SEPTIN11: variants seen among roughly 807,000 people sequenced by gnomAD.
SEPTIN11 encodes the protein septin 11.
A neutral mutation model predicts 51.4 loss-of-function variants in SEPTIN11; 25 were observed. The observed-to-expected ratio is 0.49, with a 90% CI of 0.35 to 0.68. SEPTIN11 has a LOEUF of 0.68. Ranked by LOEUF, SEPTIN11 falls within the 30% of genes least tolerant of loss-of-function variation. The pLI is 0.00. For synonymous variants in SEPTIN11, 174 were observed against 184.1 expected (o/e 0.95, Z 0.44); for missense variants, 381 against 520.8 (o/e 0.73, Z 2.61).
intron 2 of SEPTIN11, among the ~76,000 whole-genome samples, chr4:77,004,322 T>C (rs888188071): frequency 6.6e-6 from 1 of 152,228 alleles, no homozygotes; most frequent in Non-Finnish European, 1.5e-5. Flanking sequence ...TTTACTTTCA[T>C]TGTCACAAAC....
intron 1 of SEPTIN11, among the ~76,000 whole-genome samples, chr4:76,950,800 T>A (rs1472292463): frequency 6.6e-6 from 1 of 151,726 alleles, no homozygotes; most frequent in Non-Finnish European, 1.5e-5. Flanking sequence ...CAGTGGCCGC[T>A]CCGCATCCCC....
chr4:76,958,176 C>G (rs570224626), intron 1 of SEPTIN11, among the ~76,000 whole-genome samples: 1 of 152,218 alleles, frequency 6.6e-6, no homozygotes, highest in African/African-American at 2.4e-5. Flanking sequence ...TGTCAACCCC[C>G]GGTAGGTGTA....
intron 3 of SEPTIN11, among the ~76,000 whole-genome samples, chr4:77,009,175 A>G (rs1724689472): frequency 1.3e-5 from 2 of 152,332 alleles, no homozygotes; most frequent in South Asian, 2.1e-4. Flanking sequence ...ATGGGATTTC[A>G]TATTTATTAT....
chr4:76,996,562 G>A, intron 2 of SEPTIN11, 23 bp downstream of exon 2: 2 of 1,524,418 alleles, frequency 1.3e-6, no homozygotes, highest in Non-Finnish European at 1.8e-6. Flanking sequence ...TCACCCCACA[G>A]CAAGAAATTT....
intron 1 of SEPTIN11, among the ~76,000 whole-genome samples, chr4:76,994,623 A>G (rs1723564058): frequency 6.6e-6 from 1 of 152,236 alleles, no homozygotes; most frequent in Non-Finnish European, 1.5e-5. Context: ...CATGGTATTC[A>G]GGCAGTGTGG....
At chr4:77,004,589 T>C (rs1436175146) in intron 2 of SEPTIN11, among the ~76,000 whole-genome samples, 1 of 152,180 alleles carries the variant, frequency 6.6e-6, no homozygotes, top group Non-Finnish European at 1.5e-5. Flanking sequence ...TACTCATAAA[T>C]CTTATCTAAG....
At chr4:76,970,160 C>G (rs1722182799) in intron 1 of SEPTIN11, among the ~76,000 whole-genome samples, 1 of 152,208 alleles carries the variant, frequency 6.6e-6, no homozygotes, top group South Asian at 2.1e-4. Flanking sequence ...AAATGCCTTT[C>G]TCTTTGGCCT....
chr4:77,014,180 G>A (rs1374222913), intron 4 of SEPTIN11, among the ~76,000 whole-genome samples: 1 of 152,106 alleles, frequency 6.6e-6, no homozygotes. Flanking sequence ...GTAATTTGAT[G>A]GAATTACTGA....
At chr4:76,969,024 A>G (rs553486620) in intron 1 of SEPTIN11, among the ~76,000 whole-genome samples, 4 of 152,194 alleles carry the variant, frequency 2.6e-5, no homozygotes, top group Non-Finnish European at 5.9e-5. Context: ...TACATGTGGA[A>G]TAGTCTTCTT....
chr4:77,032,877 CT>C (rs1726756184), intron 9 of SEPTIN11, among the ~76,000 whole-genome samples: 1 of 151,424 alleles, frequency 6.6e-6, no homozygotes, highest in African/African-American at 2.4e-5. Context: ...TTTCCTTGCC[CT>C]TTTGAACATG....
At position 77,036,950 on chromosome 4, in the gene SEPTIN11, G is replaced by T; in HGVS notation, c.*2438G>T. On this transcript the variant is annotated 3_prime_UTR_variant, in exon 10 of 10. Coordinates refer to ENST00000264893, the MANE Select transcript of SEPTIN11 (RefSeq NM_018243.4). ...TTTCAAGGGGGGCAGGAAGGTAATG[G>T]TTTGAGTAGCCTTTGTTTAAAAAAA... 7.7e-7 allele frequency: 1 copy of T among 1,296,386 alleles called. No homozygotes were observed. Among genetic ancestry groups the T allele is most frequent in the Middle Eastern group, 2.0e-4 (1 of 4,974 alleles). The allele number at this position is 1,296,386 out of a possible 1,614,324, so 80.3% of individuals were successfully genotyped here. A position where few individuals can be genotyped will look rare whatever the true frequency, so the allele number is the denominator to read the frequency against.
chr4:76,970,559 A>C (rs1722198504), intron 1 of SEPTIN11, among the ~76,000 whole-genome samples: 1 of 152,230 alleles, frequency 6.6e-6, no homozygotes, highest in South Asian at 2.1e-4. Context: ...GCATCTGACA[A>C]CAGGAAGCTT....
chr4:76,953,039 A>G (rs988208147), intron 1 of SEPTIN11, among the ~76,000 whole-genome samples: 1 of 152,242 alleles, frequency 6.6e-6, no homozygotes, highest in African/African-American at 2.4e-5. Context: ...TCCCCAGTGC[A>G]GAAATATTTC....
chr4:76,993,779 CAG>C (rs1553970287), intron 1 of SEPTIN11, among the ~76,000 whole-genome samples: 2 of 152,170 alleles, frequency 1.3e-5, no homozygotes, highest in Non-Finnish European at 2.9e-5. Context: ...TGTTAGAAGA[CAG>C]ACTCTAAAGA....
rs897173939 is a variant in SEPTIN11 at position 77,036,726 on chromosome 4, C to G, written c.*2214C>G. 2.0e-6 allele frequency: 3 copies of G among 1,535,132 alleles called. No homozygotes were observed. The highest frequency in any genetic ancestry group is 3.9e-5 in the Admixed American group (2 of 50,910). ...CCTAGCCCTGTTTAGTTTGTTATTGCTGCTTTTCTTTTTTCTTTCTGTATC... is the reference window on the plus strand; with the variant it reads ...CCTAGCCCTGTTTAGTTTGTTATTGGTGCTTTTCTTTTTTCTTTCTGTATC... On this transcript the variant is annotated 3_prime_UTR_variant, in exon 10 of 10. Coordinates refer to ENST00000264893, the MANE Select transcript of SEPTIN11 (RefSeq NM_018243.4).
At chr4:77,017,253 C>G (rs896772087) in intron 5 of SEPTIN11, among the ~76,000 whole-genome samples, 11 of 152,150 alleles carry the variant, frequency 7.2e-5, no homozygotes, top group Non-Finnish European at 1.3e-4. Flanking sequence ...AATTTTTGCT[C>G]TCTTTCTCTC....
chr4:77,031,829 T>C (rs1726661912), intron 9 of SEPTIN11: 1 of 152,194 alleles, frequency 6.6e-6, no homozygotes, highest in South Asian at 2.1e-4. Flanking sequence ...CCACCCTCCT[T>C]TGTCTAATGT....
intron 5 of SEPTIN11, among the ~76,000 whole-genome samples, chr4:77,017,647 G>A (rs1725393373): frequency 6.6e-6 from 1 of 152,190 alleles, no homozygotes; most frequent in Non-Finnish European, 1.5e-5. Flanking sequence ...CAATGATTAT[G>A]CCAAGTTCTT....
intron 1 of SEPTIN11, among the ~76,000 whole-genome samples, chr4:76,980,075 G>C (rs1722694719): frequency 6.6e-6 from 1 of 152,114 alleles, no homozygotes; most frequent in South Asian, 2.1e-4. Context: ...GGAAATGGCA[G>C]ACCCCTCTTT....
Sources: gnomAD v4.1 joint callset for allele counts (sites outside exome capture counted in the v4.1 genomes callset) on GRCh38, gnomAD v4.1.1 for gene constraint, MANE v1.5 for transcripts, NCBI Gene and HGNC (gene_info 2026-07-23, HGNC 2026-07-21) for gene names.